Variants in IPCEF1 observed in about 807,000 individuals in gnomAD.
IPCEF1 encodes interactor protein for cytohesin exchange factors 1.
In IPCEF1, 31 loss-of-function variants were observed where a neutral mutation model predicts 50.9. The ratio of observed to expected loss-of-function variants is 0.61; its 90% CI spans 0.46 to 0.82. IPCEF1 has a LOEUF of 0.82. Among genes scored for constraint, IPCEF1 ranks in the 40% least tolerant of loss-of-function variants. IPCEF1 has a pLI of 0.00. For synonymous variants in IPCEF1, 181 were observed against 192.0 expected (o/e 0.94, Z 0.47); for missense variants, 458 against 514.0 (o/e 0.89, Z 1.05).
chr6:154,272,470 A>G (rs1781922845), intron 2 of IPCEF1, among the ~76,000 whole-genome samples: 1 of 152,246 alleles, frequency 6.6e-6, no homozygotes, highest in Non-Finnish European at 1.5e-5. Context: ...TATCTTCTTT[A>G]AAGAACAATT....
intron 9 of IPCEF1, among the ~76,000 whole-genome samples, chr6:154,207,475 C>T (rs1008235559): frequency 2.6e-5 from 4 of 152,298 alleles, no homozygotes; most frequent in East Asian, 3.9e-4. Flanking sequence ...CTTTGGTAGA[C>T]AACTGTTCAA....
chr6:154,288,389 C>T (rs997420311), intron 2 of IPCEF1, among the ~76,000 whole-genome samples: 5 of 152,146 alleles, frequency 3.3e-5, no homozygotes, highest in East Asian at 3.9e-4. Context: ...GGCGGCCGGG[C>T]GCGGTGGCTC....
chr6:154,319,670 G>A (rs182659645), intron 1 of IPCEF1, among the ~76,000 whole-genome samples: 3 of 152,266 alleles, frequency 2.0e-5, no homozygotes, highest in East Asian at 1.9e-4. Context: ...AAATTGAGAC[G>A]CGAAGCGGGG....
chr6:154,224,254 A>G (rs1269991844), intron 5 of IPCEF1, among the ~76,000 whole-genome samples: 1 of 152,236 alleles, frequency 6.6e-6, no homozygotes, highest in Non-Finnish European at 1.5e-5. Context: ...AGTTTACTTG[A>G]TCATTCTGCT....
intron 1 of IPCEF1, among the ~76,000 whole-genome samples, chr6:154,317,679 A>G (rs1783258924): frequency 6.6e-6 from 1 of 152,098 alleles, no homozygotes; most frequent in Admixed American, 6.5e-5. Context: ...TAAAACCACA[A>G]TGAGATACCA....
chr6:154,280,013 A>G (rs1782167341), intron 2 of IPCEF1, among the ~76,000 whole-genome samples: 1 of 152,230 alleles, frequency 6.6e-6, no homozygotes, highest in Admixed American at 6.5e-5. Context: ...AAACATAATT[A>G]AACAGCCACC....
intron 2 of IPCEF1, among the ~76,000 whole-genome samples, chr6:154,281,757 C>T (rs887920259): frequency 6.6e-6 from 1 of 152,042 alleles, no homozygotes; most frequent in African/African-American, 2.4e-5. Flanking sequence ...AATCTCAGCA[C>T]TTTGGGAGGC....
At chr6:154,352,755 G>C (rs778000822) in intron 1 of IPCEF1, among the ~76,000 whole-genome samples, 1 of 152,210 alleles carries the variant, frequency 6.6e-6, no homozygotes, top group Admixed American at 6.5e-5. Flanking sequence ...GCAGGGCCAA[G>C]ATTCTAACAA....
chr6:154,278,954 A>G (rs1447817692), intron 2 of IPCEF1, among the ~76,000 whole-genome samples: 4 of 150,208 alleles, frequency 2.7e-5, no homozygotes, highest in South Asian at 4.2e-4. Context: ...GTCTCTACCA[A>G]AAATACAAAA....
At chr6:154,182,402 A>G (rs1476030786) in intron 10 of IPCEF1, among the ~76,000 whole-genome samples, 5 of 152,162 alleles carry the variant, frequency 3.3e-5, no homozygotes, top group African/African-American at 1.2e-4. Flanking sequence ...TCTTGAGGCA[A>G]TCGTTTTCTG....
chr6:154,210,701 G>C (rs183331192), intron 9 of IPCEF1, among the ~76,000 whole-genome samples: 16 of 152,232 alleles, frequency 1.1e-4, no homozygotes, highest in Middle Eastern at 3.4e-3. Flanking sequence ...CTGGGGAGAA[G>C]CTATGAATAT....
chr6:154,305,080 C>T (rs545762314), intron 1 of IPCEF1, among the ~76,000 whole-genome samples: 7 of 150,680 alleles, frequency 4.6e-5, no homozygotes, highest in African/African-American at 7.3e-5. Context: ...TGCCACTGCA[C>T]TTCAGCCTGG....
At chr6:154,311,345 C>T (rs1215883238) in intron 1 of IPCEF1, among the ~76,000 whole-genome samples, 1 of 152,120 alleles carries the variant, frequency 6.6e-6, no homozygotes, top group African/African-American at 2.4e-5. Context: ...CATTGCAACC[C>T]CTTGCCTCTT....
chr6:154,298,735 G>A lies in IPCEF1; in HGVS notation c.-61-8979C>T, dbSNP rs1005917321. 7.2e-5 allele frequency among the ~76,000 whole-genome samples: 11 copies of A among 152,150 alleles called. 1 individual carries two copies. The highest frequency in any genetic ancestry group is 1.5e-4 in the Non-Finnish European group (10 of 68,028). ...TCCCAGCACTTTGGGAGGCTGAGGCGGATGGATCACCTGAGGTCAGGAGAT... is the reference window on the plus strand; with the variant it reads ...TCCCAGCACTTTGGGAGGCTGAGGCAGATGGATCACCTGAGGTCAGGAGAT... On this transcript the variant is annotated intron_variant, in intron 1 of 11. Transcript: ENST00000367220.
intron 2 of IPCEF1, among the ~76,000 whole-genome samples, chr6:154,279,038 T>A (rs1039690535): frequency 6.7e-6 from 1 of 149,398 alleles, no homozygotes; most frequent in African/African-American, 2.5e-5. Context: ...GGTGAGAGGA[T>A]CCCTTGAACC....
chr6:154,323,721 G>A (rs1402216543), intron 1 of IPCEF1, among the ~76,000 whole-genome samples: 1 of 152,174 alleles, frequency 6.6e-6, no homozygotes, highest in East Asian at 1.9e-4. Flanking sequence ...GGGAGGCCGA[G>A]GTGGGCAGAT....
chr6:154,316,469 C>T (rs1462540781), intron 1 of IPCEF1, among the ~76,000 whole-genome samples: 2 of 152,090 alleles, frequency 1.3e-5, no homozygotes, highest in African/African-American at 4.8e-5. Flanking sequence ...TCATTTGCAA[C>T]AACATGAATA....
chr6:154,350,434 T>C (rs1784101218), intron 1 of IPCEF1, among the ~76,000 whole-genome samples: 2 of 152,246 alleles, frequency 1.3e-5, no homozygotes, highest in Admixed American at 1.3e-4. Flanking sequence ...TAAATGTGTC[T>C]CATTGTTGAG....
At chr6:154,210,459 C>T (rs1053072260) in intron 9 of IPCEF1, among the ~76,000 whole-genome samples, 1 of 151,982 alleles carries the variant, frequency 6.6e-6, no homozygotes, top group Non-Finnish European at 1.5e-5. Context: ...AGAAACTTAG[C>T]AAAAATACAT....
Sources: gnomAD v4.1 joint callset for allele counts (sites outside exome capture counted in the v4.1 genomes callset) on GRCh38, gnomAD v4.1.1 for gene constraint, MANE v1.5 for transcripts, NCBI Gene and HGNC (gene_info 2026-07-23, HGNC 2026-07-21) for gene names.